Variants in KIF26B observed in about 807,000 individuals in gnomAD.
KIF26B encodes the protein kinesin-like protein KIF26B.
KIF26B carries 63 observed loss-of-function variants against 151.2 expected under a neutral mutation model. The observed-to-expected ratio is 0.42, with a 90% CI of 0.34 to 0.51. KIF26B has a LOEUF of 0.51. KIF26B is among the 20% of genes least tolerant of loss of function. The probability of loss-of-function intolerance (pLI) is 0.07; values close to 1 mark genes in which losing one functional copy is unlikely to be tolerated. For missense variants in KIF26B, 2,813 were observed against 2,913.6 expected (o/e 0.97, Z 0.79); for synonymous variants, 1,357 against 1,262.1 (o/e 1.08, Z -1.59).
intron 4 of KIF26B, among the ~76,000 whole-genome samples, chr1:245,426,748 C>T (rs535469933): frequency 6.6e-6 from 1 of 152,346 alleles, no homozygotes; most frequent in Non-Finnish European, 1.5e-5. Flanking sequence ...TTCAGGACCA[C>T]GTGGCTTCTC....
chr1:245,162,880 G>GAACT (rs1309031973), intron 2 of KIF26B, among the ~76,000 whole-genome samples: 6 of 152,170 alleles, frequency 3.9e-5, no homozygotes, highest in Non-Finnish European at 5.9e-5. Context: ...AGGTCTCAAA[G>GAACT]AACTCACCTA....
At chr1:245,365,555 T>C (rs1286170647) in intron 2 of KIF26B, among the ~76,000 whole-genome samples, 2 of 148,756 alleles carry the variant, frequency 1.3e-5, no homozygotes. Context: ...CCTTCAGCTC[T>C]GATGGGGCTT....
intron 9 of KIF26B, among the ~76,000 whole-genome samples, chr1:245,632,544 T>G (rs1324244019): frequency 6.6e-6 from 1 of 152,224 alleles, no homozygotes; most frequent in Non-Finnish European, 1.5e-5. Flanking sequence ...ATTTGGTCTG[T>G]AGTGCGGATT....
intron 12 of KIF26B, among the ~76,000 whole-genome samples, chr1:245,694,065 T>G (rs1029402252): frequency 3.3e-5 from 5 of 152,198 alleles, no homozygotes; most frequent in African/African-American, 1.2e-4. Flanking sequence ...ACTGTGGTCC[T>G]AGGTGCGGGG....
intron 4 of KIF26B, among the ~76,000 whole-genome samples, chr1:245,433,037 C>G (rs1410342245): frequency 6.6e-6 from 1 of 152,166 alleles, no homozygotes; most frequent in Non-Finnish European, 1.5e-5. Flanking sequence ...TTATTTTTAT[C>G]TGAGTCTAAC....
chr1:245,411,859 A>G (rs1013720132), intron 3 of KIF26B, among the ~76,000 whole-genome samples: 5 of 152,112 alleles, frequency 3.3e-5, no homozygotes, highest in African/African-American at 1.2e-4. Context: ...GGACTCTATC[A>G]CTGCATCGTG....
chr1:245,290,420 C>G (rs1193914787), intron 2 of KIF26B, among the ~76,000 whole-genome samples: 1 of 152,168 alleles, frequency 6.6e-6, no homozygotes. Flanking sequence ...AGATCAGAAC[C>G]GAGGGTTGCT....
intron 5 of KIF26B, among the ~76,000 whole-genome samples, chr1:245,559,028 T>G (rs1662104193): frequency 6.6e-6 from 1 of 152,234 alleles, no homozygotes; most frequent in Non-Finnish European, 1.5e-5. Context: ...TTCTCAGTCT[T>G]TGTGTGTGCG....
At chr1:245,523,500 CG>C (rs1291667657) in intron 4 of KIF26B, among the ~76,000 whole-genome samples, 2 of 152,112 alleles carry the variant, frequency 1.3e-5, no homozygotes, top group Non-Finnish European at 2.9e-5. Context: ...TTATAAACAA[CG>C]GAAGTTTATT....
chr1:245,455,346 A>T (rs1659493873), intron 4 of KIF26B, among the ~76,000 whole-genome samples: 1 of 152,070 alleles, frequency 6.6e-6, no homozygotes, highest in African/African-American at 2.4e-5. Context: ...TCTACTAAAA[A>T]TACAAAAATT....
At chr1:245,460,871 C>T (rs1659631445) in intron 4 of KIF26B, among the ~76,000 whole-genome samples, 1 of 152,222 alleles carries the variant, frequency 6.6e-6, no homozygotes, top group African/African-American at 2.4e-5. Context: ...AAAGCTTCTG[C>T]ACACATGCCA....
chr1:245,286,701 AT>A (rs751452705), intron 2 of KIF26B, among the ~76,000 whole-genome samples: 4 of 152,248 alleles, frequency 2.6e-5, no homozygotes, highest in Non-Finnish European at 5.9e-5. Context: ...AGAAAGATAA[AT>A]TAGGTGGTGG....
At chr1:245,617,614 A>C (rs756392378) in intron 9 of KIF26B, among the ~76,000 whole-genome samples, 20 of 152,114 alleles carry the variant, frequency 1.3e-4, no homozygotes, top group Non-Finnish European at 2.2e-4. Context: ...GGATGTCCAC[A>C]CACTACAGGG....
chr1:245,482,226 G>C (rs746193380), intron 4 of KIF26B, among the ~76,000 whole-genome samples: 6 of 151,616 alleles, frequency 4.0e-5, no homozygotes, highest in Non-Finnish European at 8.9e-5. Context: ...CTAGTAGCTG[G>C]GACTGCAGGT....
At chr1:245,418,931 C>T (rs747812019) in intron 3 of KIF26B, among the ~76,000 whole-genome samples, 8 of 152,118 alleles carry the variant, frequency 5.3e-5, no homozygotes, top group Non-Finnish European at 1.2e-4. Context: ...GCAATCATTT[C>T]GAATGAAACA....
At chr1:245,692,311 G>C (rs1233818202) in intron 12 of KIF26B, among the ~76,000 whole-genome samples, 1 of 152,186 alleles carries the variant, frequency 6.6e-6, no homozygotes, top group Non-Finnish European at 1.5e-5. Context: ...GCGTGGAATA[G>C]AGAACAGTGA....
At chr1:245,198,425 A>G (rs945881535) in intron 2 of KIF26B, among the ~76,000 whole-genome samples, 2 of 152,228 alleles carry the variant, frequency 1.3e-5, no homozygotes, top group African/African-American at 4.8e-5. Flanking sequence ...AGAGTGTAAT[A>G]TTTGGTAAGT....
intron 9 of KIF26B, among the ~76,000 whole-genome samples, chr1:245,628,283 G>A (rs944949210): frequency 6.6e-6 from 1 of 152,160 alleles, no homozygotes; most frequent in South Asian, 2.1e-4. Flanking sequence ...AGGAGTTCGA[G>A]ACCAGCCTGC....
intron 3 of KIF26B, among the ~76,000 whole-genome samples, chr1:245,406,523 A>G (rs1050818931): frequency 6.6e-6 from 1 of 152,204 alleles, no homozygotes; most frequent in Non-Finnish European, 1.5e-5. Context: ...GACTGCCTAA[A>G]GATGTATGTT....
Sources: allele counts gnomAD v4.1 joint callset (sites outside exome capture counted in the v4.1 genomes callset), GRCh38; gene constraint gnomAD v4.1.1; transcripts MANE v1.5; gene names NCBI Gene and HGNC (gene_info 2026-07-23, HGNC 2026-07-21).